NBPF9: variants seen among roughly 807,000 people sequenced by gnomAD.
The protein encoded by NBPF9 is NBPF member 9, also known as NBPF family member NBPF9.
A neutral mutation model predicts 97.8 loss-of-function variants in NBPF9; 91 were observed. The ratio of observed to expected loss-of-function variants is 0.93; its 90% confidence interval spans 0.79 to 1.11. The LOEUF (loss-of-function observed/expected upper bound fraction) is 1.11, where lower values mean the gene tolerates loss of function less well. Ranked by LOEUF, NBPF9 falls within the 50% of genes least tolerant of loss-of-function variation. NBPF9 has a pLI of 0.00. For synonymous variants in NBPF9, 334 were observed against 359.5 expected, an observed-to-expected ratio of 0.93 and a Z score of 0.80; for missense variants, 992 against 939.5, an observed-to-expected ratio of 1.06 and a Z score of -0.73.
At position 149,070,545 on chromosome 1, in the gene NBPF9, C is replaced by T. The variant is rs184083349; in HGVS notation, c.1585+389G>A. Among the ~76,000 whole-genome samples, 13 of 150,370 alleles carry T rather than the reference C, an allele frequency of 8.6e-5. No homozygotes were observed. In the East Asian group the frequency reaches 9.3e-4, roughly 11 times the overall value. On this transcript the variant is annotated intron_variant, in intron 16 of 29. Transcript: ENST00000584027. Reference sequence around the variant, plus strand: ...GCTGAGAGCAGTGAAGCCTGGGGAACGATATTTCCAAAAACAAAGGCAAGG... The same window carrying T: ...GCTGAGAGCAGTGAAGCCTGGGGAATGATATTTCCAAAAACAAAGGCAAGG...
At position 149,058,841 on chromosome 1, in the gene NBPF9, C is replaced by G. The variant is rs2078412975; in HGVS notation, c.2758+84G>C. The G allele has an allele frequency of 5.7e-6, 4 of 706,854 alleles. No homozygotes were observed. In the East Asian group the frequency reaches 7.8e-5, roughly 14 times the overall value. 43.8% of individuals were successfully genotyped at this position (706,854 alleles called of 1,614,324 possible). On this transcript the variant is annotated intron_variant, in intron 26 of 29. Coordinates refer to ENST00000584027, the Ensembl canonical transcript of NBPF9. ...CCTGTGGCAATGACATCTCTCAGGT[C>G]AGTAAGGGCCACTTGGAACAGGAAT...
At chr1:149,099,148 T>A in intron 3 of NBPF9, among the ~76,000 whole-genome samples, 2 of 152,314 alleles carry the variant, frequency 1.3e-5, no homozygotes, top group South Asian at 4.1e-4. Flanking sequence ...GAACAAGAAT[T>A]TGATTCTTTC....
intron 5 of NBPF9, among the ~76,000 whole-genome samples, chr1:149,088,094 G>A (rs1373739194): frequency 7.9e-5 from 12 of 152,286 alleles, no homozygotes; most frequent in Middle Eastern, 3.4e-3. Context: ...GCCTCCCAAA[G>A]TGCTGAGATT....
Position 149,063,582 on chromosome 1 carries a change from C to G in NBPF9, c.2026+51G>C, listed in dbSNP as rs1192020973. 1.3e-5 allele frequency: 8 copies of G among 614,260 alleles called. 2 individuals carry two copies. The highest frequency in any genetic ancestry group is 1.2e-4 in the African/African-American group (6 of 49,026). 38.1% of individuals were successfully genotyped at this position (614,260 alleles called of 1,614,324 possible). A position where few individuals can be genotyped will look rare whatever the true frequency, so the allele number is the denominator to read the frequency against. ...GGCCACTTGCAGTAGGAATATGACC[C>G]TAACCAGAAGACTCAGTGGATCCTT... On this transcript the variant is annotated intron_variant, in intron 20 of 29. Transcript: ENST00000584027.
chr1:149,062,485 A>C lies in NBPF9; in HGVS notation c.2079-220T>G, dbSNP rs587644789. ...AGAGGGAGAGAGAGAGAGAGGAGAA[A>C]GTGAGCTCAGCGAATTGGCCGGGTG... On this transcript the variant is annotated intron_variant, in intron 21 of 29. Coordinates refer to ENST00000584027, the Ensembl canonical transcript of NBPF9. Among the ~76,000 whole-genome samples the C allele has an allele frequency of 1.3e-3, 193 of 144,694 alleles. 8 individuals carry two copies. The South Asian group carries it at 0.041, about 31-fold the overall frequency. The allele number at this position is 144,694 out of a possible 152,430, so 94.9% of individuals were successfully genotyped here. A position where few individuals can be genotyped will look rare whatever the true frequency, so the allele number is the denominator to read the frequency against.
intron 16 of NBPF9, among the ~76,000 whole-genome samples, chr1:149,070,628 A>T (rs1377268676): frequency 6.6e-6 from 1 of 151,578 alleles, no homozygotes; most frequent in African/African-American, 2.4e-5. Context: ...GGGACAGATG[A>T]CTTAATCACA....
intron 1 of NBPF9, among the ~76,000 whole-genome samples, 157 bp downstream of exon 1, chr1:149,103,144 A>G (rs1226380746): frequency 1.3e-5 from 2 of 151,576 alleles, no homozygotes; most frequent in Non-Finnish European, 2.9e-5. Flanking sequence ...CATGGAACTT[A>G]AGCCCCGGCG....
At chr1:149,062,226 G>C (rs2078654960) in exon 22 of NBPF9, 2 of 963,502 alleles carry the variant, frequency 2.1e-6, no homozygotes, top group Non-Finnish European at 1.7e-6. Context: ...AGTCCTGCAA[G>C]ACTTCAGGCT....
At chr1:149,082,841 G>A (rs587727760) in intron 5 of NBPF9, among the ~76,000 whole-genome samples, 16 of 146,080 alleles carry the variant, frequency 1.1e-4, no homozygotes, top group Non-Finnish European at 2.0e-4. Flanking sequence ...GTGCAGTGAC[G>A]CGATCTAGGC....
rs782404102 is a variant in NBPF9, at chr1:149,055,888, A to T, written c.3104T>A (p.Val1035Glu). The T allele has an allele frequency of 1.2e-5, 19 of 1,611,400 alleles. 1 individual carries two copies. In the East Asian group the frequency reaches 3.1e-4, roughly 27 times the overall value. The change falls in exon 30 of 30, where the codon GTG becomes GAG. Residue 1035 changes from valine (V) to glutamate (E), a missense_variant. Val to Glu is a moderately radical substitution (Grantham distance 121, BLOSUM62 -2). Coordinates refer to ENST00000584027, the Ensembl canonical transcript of NBPF9. ...TTCAGGCTCTTCCACTTCCATCAGC[A>T]CGCCGTTGAGCCTGGAAAAGGAGAC...
intron 5 of NBPF9, among the ~76,000 whole-genome samples, chr1:149,084,529 G>A (rs1245534408): frequency 2.0e-5 from 3 of 147,490 alleles, no homozygotes; most frequent in Non-Finnish European, 4.5e-5. Flanking sequence ...CGAGCTCTCC[G>A]CCTCCCCCAC....
At chr1:149,056,031 A>C in intron 29 of NBPF9, 132 bp from the exon 30 acceptor site, 1 of 1,575,048 alleles carries the variant, frequency 6.3e-7, no homozygotes, top group Non-Finnish European at 8.6e-7. Context: ...AGGTAAAAAA[A>C]AAAATTTATT....
At chr1:149,058,886 C>A (rs1249572304) in intron 26 of NBPF9, 39 bp downstream of exon 26, 2 of 623,424 alleles carry the variant, frequency 3.2e-6, no homozygotes, top group East Asian at 2.7e-5. Context: ...ATCTGGAAGA[C>A]CAGGTGGAGG....
At chr1:149,087,902 G>A (rs1481741188) in intron 5 of NBPF9, among the ~76,000 whole-genome samples, 5 of 140,076 alleles carry the variant, frequency 3.6e-5, no homozygotes, top group Non-Finnish European at 7.5e-5. Flanking sequence ...ATGCGATCTC[G>A]GCTCACTGTA....
At chr1:149,060,924 C>T in intron 23 of NBPF9, 1 of 345,940 alleles carries the variant, frequency 2.9e-6, no homozygotes, top group Non-Finnish European at 4.9e-6. Context: ...CACACACACA[C>T]AAACACACAC....
intron 5 of NBPF9, among the ~76,000 whole-genome samples, chr1:149,085,716 G>A (rs1361746553): frequency 2.0e-5 from 3 of 151,356 alleles, no homozygotes; most frequent in African/African-American, 2.4e-5. Context: ...TCATTTTCTA[G>A]CTGCTAATTG....
At position 149,075,929 on chromosome 1, in the gene NBPF9, G is replaced by A. The variant is rs1223099526; in HGVS notation, c.779-65C>T. On this transcript the variant is annotated intron_variant, in intron 11 of 29. Transcript: ENST00000584027. ...TGGTGAAATCAAATAGGCTTAATCA[G>A]GACTGAGGGATGTCACTGGCAGCCT... The A allele has an allele frequency of 8.3e-6, 8 of 965,002 alleles. No individual in the cohort carries two copies. In the African/African-American group the frequency reaches 1.1e-4, roughly 13 times the overall value. 59.8% of individuals were successfully genotyped at this position (965,002 alleles called of 1,614,324 possible). A position where few individuals can be genotyped will look rare whatever the true frequency, so the allele number is the denominator to read the frequency against.
exon 12 of NBPF9, chr1:149,075,679 G>A (rs781903136): frequency 1.1e-5 from 18 of 1,610,582 alleles, no homozygotes; most frequent in Non-Finnish European, 1.4e-5. Flanking sequence ...TGGTTGGCCA[G>A]GAAGCCGGCC....
intron 22 of NBPF9, chr1:149,061,858 G>T (rs781803424): frequency 2.6e-6 from 1 of 380,950 alleles, no homozygotes; most frequent in Non-Finnish European, 4.6e-6. Flanking sequence ...TGCTGAGAGC[G>T]GGCTCAGGTT....
Sources: gnomAD v4.1 joint callset for allele counts (sites outside exome capture counted in the v4.1 genomes callset) on GRCh38, gnomAD v4.1.1 for gene constraint, MANE v1.5 for transcripts, NCBI Gene and HGNC (gene_info 2026-07-23, HGNC 2026-07-21) for gene names.